OTUD7A: variants seen among roughly 807,000 people sequenced by gnomAD.
OTUD7A encodes OTU domain-containing protein 7A.
OTUD7A carries 12 observed loss-of-function variants against 65.7 expected under a neutral mutation model. That is an observed-to-expected ratio of 0.18 (90% confidence interval 0.12 to 0.30). OTUD7A has a LOEUF of 0.30. Among genes scored for constraint, OTUD7A ranks in the 10% least tolerant of loss-of-function variants. The probability of loss-of-function intolerance (pLI) is 1.00; values close to 1 mark genes in which losing one functional copy is unlikely to be tolerated. For synonymous variants in OTUD7A, 641 were observed against 586.3 expected, an observed-to-expected ratio of 1.09 and a Z score of -1.35; for missense variants, 1,148 against 1,304.8, an observed-to-expected ratio of 0.88 and a Z score of 1.85.
rs376737705 is a variant in OTUD7A at position 31,527,165 on chromosome 15, G to A, written c.780+16C>T. On this transcript the variant is annotated intron_variant, in intron 7 of 12. Transcript: ENST00000307050. Reference sequence around the variant, plus strand: ...GGCCTGGGTCCCGGGCTCTGGCCATGCCAGTGGATACCAACCTCCTTATTC... The same window carrying A: ...GGCCTGGGTCCCGGGCTCTGGCCATACCAGTGGATACCAACCTCCTTATTC... 113 of 1,613,816 alleles carry A rather than the reference G, an allele frequency of 7.0e-5. No homozygotes were observed. Among genetic ancestry groups the A allele is most frequent in the Non-Finnish European group, 8.7e-5 (103 of 1,179,928 alleles).
chr15:31,742,394 A>G (rs544979732), intron 1 of OTUD7A, among the ~76,000 whole-genome samples: 3 of 151,678 alleles, frequency 2.0e-5, no homozygotes, highest in East Asian at 3.9e-4. Context: ...AGATTAAGGG[A>G]AAAAAAATTG....
At chr15:31,560,834 A>G (rs1379754422) in intron 4 of OTUD7A, among the ~76,000 whole-genome samples, 1 of 152,188 alleles carries the variant, frequency 6.6e-6, no homozygotes, top group Non-Finnish European at 1.5e-5. Flanking sequence ...TGAGGTCCAC[A>G]CTGACCAGCA....
intron 1 of OTUD7A, among the ~76,000 whole-genome samples, chr15:31,799,856 CA>C (rs1896071846): frequency 6.6e-6 from 1 of 152,096 alleles, no homozygotes; most frequent in South Asian, 2.1e-4. Flanking sequence ...TCAAGGTTCA[CA>C]GGCTGTGGTG....
At chr15:31,708,702 C>A (rs1318445151) in intron 1 of OTUD7A, among the ~76,000 whole-genome samples, 1 of 152,156 alleles carries the variant, frequency 6.6e-6, no homozygotes, top group Non-Finnish European at 1.5e-5. Context: ...GAAGAGGAAG[C>A]AATTAACCAA....
chr15:31,808,476 T>A (rs1273631702), intron 1 of OTUD7A, among the ~76,000 whole-genome samples: 2 of 152,166 alleles, frequency 1.3e-5, no homozygotes, highest in Admixed American at 1.3e-4. Flanking sequence ...AGGTCCAGCA[T>A]GAGCTTGAGT....
intron 1 of OTUD7A, among the ~76,000 whole-genome samples, chr15:31,774,977 T>TTA (rs1555416029): frequency 5.5e-5 from 8 of 144,650 alleles, no homozygotes; most frequent in South Asian, 2.3e-4. Context: ...AAAAGATAGT[T>TTA]AAAAAAAAAA....
intron 1 of OTUD7A, among the ~76,000 whole-genome samples, chr15:31,790,247 C>T (rs948493471): frequency 2.0e-5 from 3 of 151,700 alleles, no homozygotes; most frequent in African/African-American, 7.3e-5. Context: ...GCAGGGCCAC[C>T]CCCAGAGACT....
intron 8 of OTUD7A, among the ~76,000 whole-genome samples, chr15:31,519,784 T>A (rs781107028): frequency 7.9e-5 from 12 of 152,320 alleles, no homozygotes; most frequent in African/African-American, 2.9e-4. Context: ...TTATATTTGA[T>A]ACACAAATTT....
intron 4 of OTUD7A, among the ~76,000 whole-genome samples, chr15:31,569,738 C>T (rs1888986047): frequency 6.6e-6 from 1 of 152,148 alleles, no homozygotes. Flanking sequence ...CTGAAAAAAC[C>T]AAGACTCCAG....
chr15:31,814,047 T>A (rs936340451), intron 1 of OTUD7A, among the ~76,000 whole-genome samples: 2 of 152,200 alleles, frequency 1.3e-5, no homozygotes, highest in Non-Finnish European at 2.9e-5. Context: ...GTAGACTAGG[T>A]CACCATGGGG....
chr15:31,510,493 C>A (rs2141094819), intron 8 of OTUD7A, among the ~76,000 whole-genome samples: 1 of 145,706 alleles, frequency 6.9e-6, no homozygotes, highest in South Asian at 2.2e-4. Context: ...GTATGTATAT[C>A]TATATGTAAC....
chr15:31,610,615 ATATTTTTTTTT>A (rs1402152105), intron 3 of OTUD7A, among the ~76,000 whole-genome samples: 19 of 32,846 alleles, frequency 5.8e-4, no homozygotes, highest in African/African-American at 2.6e-3. Flanking sequence ...ATATATATAT[ATATTTTTTTTT>A]TTTTTTTTTT....
intron 8 of OTUD7A, among the ~76,000 whole-genome samples, chr15:31,519,151 C>T (rs12440269): frequency 0.18 from 28,057 of 152,200 alleles, 3,041 homozygotes; most frequent in East Asian, 0.37. Context: ...TGCACGCACG[C>T]GCACTCACAC....
At chr15:31,765,844 G>C in intron 1 of OTUD7A, 1 of 1,313,720 alleles carries the variant, frequency 7.6e-7, no homozygotes. Context: ...TCCATGGTTG[G>C]AAATCTTTTC....
intron 1 of OTUD7A, among the ~76,000 whole-genome samples, chr15:31,732,602 A>G (rs954681261): frequency 2.0e-5 from 3 of 152,240 alleles, no homozygotes; most frequent in Non-Finnish European, 1.5e-5. Flanking sequence ...CACAGCGTGG[A>G]TTTCAACTGG....
chr15:31,608,521 T>C (rs1334000786), intron 3 of OTUD7A, among the ~76,000 whole-genome samples: 1 of 152,106 alleles, frequency 6.6e-6, no homozygotes, highest in African/African-American at 2.4e-5. Flanking sequence ...CACATAAGCA[T>C]GGGAAAGGGG....
intron 4 of OTUD7A, among the ~76,000 whole-genome samples, chr15:31,568,483 A>C (rs981268532): frequency 2.0e-5 from 3 of 152,150 alleles, no homozygotes; most frequent in Non-Finnish European, 4.4e-5. Context: ...ACTTGCCTTG[A>C]CTCAGACAAG....
At position 31,546,500 on chromosome 15, in the gene OTUD7A, C is replaced by T. The variant is rs117961456; in HGVS notation, c.550+12469G>A. 7.1e-4 allele frequency among the ~76,000 whole-genome samples: 108 copies of T among 152,270 alleles called. No homozygotes were observed. In the East Asian group the frequency reaches 0.014, roughly 20 times the overall value. On this transcript the variant is annotated intron_variant, in intron 5 of 12. Transcript: ENST00000307050. ...AGAGCTTCAACTCTCAAACTGTCCCCCACCCCAAGGCATGCACTGAAGAAA... is the reference window on the plus strand; with the variant it reads ...AGAGCTTCAACTCTCAAACTGTCCCTCACCCCAAGGCATGCACTGAAGAAA...
chr15:31,476,835 A>C lies in OTUD7A; in HGVS notation c.*6459T>G, dbSNP rs1419871062. ...CAGTATTTTGCCAACAACTCTTAGA[A>C]GAAAACGCATTTGGCCAAAGGACCT... is the stretch of plus-strand genomic sequence containing the variant. On this transcript the variant is annotated 3_prime_UTR_variant, in exon 13 of 13. Transcript: ENST00000307050. The C allele has an allele frequency of 6.6e-6, 1 of 152,294 alleles. No individual in the cohort carries two copies. The highest frequency in any genetic ancestry group is 2.4e-5 in the African/African-American group (1 of 41,482). 9.4% of individuals were successfully genotyped at this position (152,294 alleles called of 1,614,324 possible).
Sources: gnomAD v4.1 joint callset for allele counts (sites outside exome capture counted in the v4.1 genomes callset) on GRCh38, gnomAD v4.1.1 for gene constraint, MANE v1.5 for transcripts, NCBI Gene and HGNC (gene_info 2026-07-23, HGNC 2026-07-21) for gene names.